PTPRK: variants seen among roughly 807,000 people sequenced by gnomAD.
PTPRK encodes protein tyrosine phosphatase receptor type K.
A neutral mutation model predicts 178.0 loss-of-function variants in PTPRK; 75 were observed. The observed-to-expected ratio is 0.42, with a 90% confidence interval of 0.35 to 0.51. The LOEUF (loss-of-function observed/expected upper bound fraction) is 0.51. Among genes scored for constraint, PTPRK ranks in the 20% least tolerant of loss-of-function variants. PTPRK has a pLI of 0.02. For missense variants in PTPRK, 1,441 were observed against 1,797.8 expected, an observed-to-expected ratio of 0.80 and a Z score of 3.59; for synonymous variants, 637 against 620.6, an observed-to-expected ratio of 1.03 and a Z score of -0.39.
Position 128,322,216 on chromosome 6 carries a change from A to T in PTPRK, c.318T>A (p.Ile106=), listed in dbSNP as rs754039331. The T allele has an allele frequency of 6.2e-7, 1 of 1,613,884 alleles. No homozygotes were observed. Among genetic ancestry groups the T allele is most frequent in the Non-Finnish European group, 8.5e-7 (1 of 1,179,838 alleles). ...PTMKENDTHC[I]DFSYLLYSQK... ...GGCTATATAATAGGTAACTGAAATCAATGCAGTGAGTGTCGTTCTCCTTCA... is the reference window on the plus strand; with the variant it reads ...GGCTATATAATAGGTAACTGAAATCTATGCAGTGAGTGTCGTTCTCCTTCA... Residue 106 remains isoleucine, a synonymous_variant, in exon 3 of 30, where the codon ATT becomes ATA. Transcript: ENST00000368226.
chr6:128,393,771 T>C (rs917927531), intron 2 of PTPRK, among the ~76,000 whole-genome samples: 1 of 152,214 alleles, frequency 6.6e-6, no homozygotes, highest in African/African-American at 2.4e-5. Context: ...TTTGTTCTAA[T>C]CCATGACATT....
chr6:128,473,551 T>C (rs374535034), intron 1 of PTPRK, among the ~76,000 whole-genome samples: 1 of 152,090 alleles, frequency 6.6e-6, no homozygotes, highest in African/African-American at 2.4e-5. Flanking sequence ...CAAATCAATA[T>C]TTACTATTAT....
chr6:128,155,434 T>A (rs916952115), intron 7 of PTPRK, among the ~76,000 whole-genome samples: 1 of 151,740 alleles, frequency 6.6e-6, no homozygotes, highest in African/African-American at 2.4e-5. Flanking sequence ...AGCTATTTAG[T>A]TATCTTGAGT....
intron 21 of PTPRK, among the ~76,000 whole-genome samples, chr6:127,987,565 G>T (rs979423078): frequency 6.6e-6 from 1 of 151,972 alleles, no homozygotes; most frequent in African/African-American, 2.4e-5. Flanking sequence ...GAATATTTAT[G>T]CAGATTTGGT....
At chr6:128,241,975 G>C (rs1452039451) in intron 4 of PTPRK, among the ~76,000 whole-genome samples, 2 of 142,178 alleles carry the variant, frequency 1.4e-5, no homozygotes, top group African/African-American at 5.4e-5. Flanking sequence ...TTTGTAAGTA[G>C]AGATAGGGTT....
rs145645194 is a variant in PTPRK at position 128,156,083 on chromosome 6, C to A, written c.1162+28349G>T. ...TACAACTTAAATTTTATAGTTTTGA[C>A]TACATTTTTTTCTCATGATTTACCA... On this transcript the variant is annotated intron_variant, in intron 7 of 29. Transcript: ENST00000368226. Among the ~76,000 whole-genome samples the A allele has an allele frequency of 1.1e-3, 167 of 151,962 alleles. 4 individuals carry two copies. The East Asian group carries it at 0.018, about 17-fold the overall frequency.
At chr6:128,130,116 G>C (rs1426757099) in intron 7 of PTPRK, among the ~76,000 whole-genome samples, 4 of 152,126 alleles carry the variant, frequency 2.6e-5, no homozygotes, top group Non-Finnish European at 5.9e-5. Flanking sequence ...CAATACTGCA[G>C]ACATTAAATA....
Position 128,012,956 on chromosome 6 carries a change from C to T in PTPRK, c.2195-3688G>A, listed in dbSNP as rs911513665. On this transcript the variant is annotated intron_variant, in intron 13 of 29. Transcript: ENST00000368226. ...TCAGTTATAGATCTGAGAAACTGTT[C>T]CCACTCACTTCCCAATCATTCTTTA... 3.3e-5 allele frequency among the ~76,000 whole-genome samples: 5 copies of T among 151,260 alleles called. No homozygotes were observed. The South Asian group carries it at 1.0e-3, about 31-fold the overall frequency.
At chr6:128,376,879 C>T (rs1837163401) in intron 2 of PTPRK, among the ~76,000 whole-genome samples, 1 of 152,156 alleles carries the variant, frequency 6.6e-6, no homozygotes, top group Admixed American at 6.5e-5. Context: ...TAACAAGAGT[C>T]ACCTTTGCTC....
chr6:128,075,284 G>A (rs754744952), intron 11 of PTPRK, among the ~76,000 whole-genome samples: 2 of 151,912 alleles, frequency 1.3e-5, no homozygotes, highest in East Asian at 1.9e-4. Flanking sequence ...TTCTAAAAAC[G>A]TAAAACTGCC....
At chr6:128,230,212 T>G (rs1164499119) in intron 5 of PTPRK, among the ~76,000 whole-genome samples, 1 of 152,302 alleles carries the variant, frequency 6.6e-6, no homozygotes, top group South Asian at 2.1e-4. Flanking sequence ...GGCATTAGTA[T>G]GCAATCAGCA....
intron 3 of PTPRK, among the ~76,000 whole-genome samples, chr6:128,298,813 A>G (rs1824987205): frequency 6.6e-6 from 1 of 152,170 alleles, no homozygotes; most frequent in Admixed American, 6.5e-5. Context: ...CTGGCACAAG[A>G]CAGGGATGCC....
At chr6:128,263,906 C>A (rs955899054) in intron 3 of PTPRK, among the ~76,000 whole-genome samples, 1 of 152,106 alleles carries the variant, frequency 6.6e-6, no homozygotes, top group Non-Finnish European at 1.5e-5. Flanking sequence ...TGAGAGACCA[C>A]CACCGTTGGA....
chr6:128,107,336 C>T (rs1225166741), intron 7 of PTPRK, among the ~76,000 whole-genome samples: 2 of 152,010 alleles, frequency 1.3e-5, no homozygotes, highest in Admixed American at 6.6e-5. Context: ...CTTTTACATG[C>T]TTTGAGAACA....
intron 7 of PTPRK, among the ~76,000 whole-genome samples, chr6:128,148,751 T>A (rs1796847913): frequency 6.6e-6 from 1 of 152,114 alleles, no homozygotes; most frequent in Non-Finnish European, 1.5e-5. Flanking sequence ...TGCAAACTTT[T>A]AAAACATTTT....
intron 10 of PTPRK, among the ~76,000 whole-genome samples, chr6:128,079,523 T>C (rs59915725): frequency 6.6e-6 from 1 of 152,060 alleles, no homozygotes; most frequent in Non-Finnish European, 1.5e-5. Flanking sequence ...ATAATTTTTT[T>C]AAATATTTGA....
chr6:128,500,365 G>GT (rs1052485057), intron 1 of PTPRK, among the ~76,000 whole-genome samples: 1 of 148,492 alleles, frequency 6.7e-6, no homozygotes, highest in African/African-American at 2.6e-5. Context: ...TGAAAATTTG[G>GT]GGGGGGGAGT....
intron 1 of PTPRK, among the ~76,000 whole-genome samples, chr6:128,451,398 T>C (rs1374129245): frequency 6.6e-6 from 1 of 152,196 alleles, no homozygotes; most frequent in Non-Finnish European, 1.5e-5. Flanking sequence ...TTATAATCTG[T>C]AGACTTTTGG....
chr6:128,055,626 G>A (rs1402173346), intron 13 of PTPRK, among the ~76,000 whole-genome samples: 1 of 151,946 alleles, frequency 6.6e-6, no homozygotes, highest in Admixed American at 6.6e-5. Context: ...TACAGACAGG[G>A]TCTTGCTCTG....
Sources: allele counts gnomAD v4.1 joint callset (sites outside exome capture counted in the v4.1 genomes callset), GRCh38; gene constraint gnomAD v4.1.1; transcripts MANE v1.5; gene names NCBI Gene and HGNC (gene_info 2026-07-23, HGNC 2026-07-21).